Variants in B3GALT1 observed in about 807,000 individuals in gnomAD.
The protein encoded by B3GALT1 is beta-1,3-galactosyltransferase 1.
In B3GALT1, 10 loss-of-function variants were observed where a neutral mutation model predicts 23.2. The observed-to-expected ratio is 0.43, with a 90% confidence interval of 0.27 to 0.73. The LOEUF (loss-of-function observed/expected upper bound fraction) is 0.73. B3GALT1 is among the 30% of genes least tolerant of loss of function. B3GALT1 has a pLI of 0.21. For missense variants in B3GALT1, 299 were observed against 405.4 expected, an observed-to-expected ratio of 0.74 and a Z score of 2.25; for synonymous variants, 156 against 141.5, an observed-to-expected ratio of 1.10 and a Z score of -0.73.
intron 1 of B3GALT1, among the ~76,000 whole-genome samples, chr2:167,415,048 T>C (rs1208161116): frequency 1.3e-5 from 2 of 152,228 alleles, no homozygotes; most frequent in Non-Finnish European, 2.9e-5. Flanking sequence ...GAGATAGATA[T>C]GTTATACCTC....
chr2:167,685,362 G>A (rs1686601613), intron 3 of B3GALT1, among the ~76,000 whole-genome samples: 1 of 152,048 alleles, frequency 6.6e-6, no homozygotes. Flanking sequence ...TGAGGAGCTG[G>A]GATTATTGGT....
chr2:167,783,461 T>C (rs2105321902), intron 3 of B3GALT1, among the ~76,000 whole-genome samples: 1 of 152,244 alleles, frequency 6.6e-6, no homozygotes, highest in South Asian at 2.1e-4. Context: ...TCTGAGTCAC[T>C]ATGTGATGCT....
intron 3 of B3GALT1, among the ~76,000 whole-genome samples, chr2:167,761,500 C>T (rs927485723): frequency 1.3e-5 from 2 of 152,058 alleles, no homozygotes; most frequent in Admixed American, 6.5e-5. Context: ...GGTTGTTTGG[C>T]AATACTATAA....
rs948125572 is a variant in B3GALT1 at position 167,831,302 on chromosome 2, C to T, written c.-230+12509C>T. ...CAGTTAATGGAAAATCTCCTTTATACGAGGTGCATCTGCTGTGACATCTGT... is the reference window on the plus strand; with the variant it reads ...CAGTTAATGGAAAATCTCCTTTATATGAGGTGCATCTGCTGTGACATCTGT... On this transcript the variant is annotated intron_variant, in intron 4 of 4. Coordinates refer to ENST00000392690, the MANE Select transcript of B3GALT1 (RefSeq NM_020981.4). 2.5e-4 allele frequency among the ~76,000 whole-genome samples: 38 copies of T among 152,272 alleles called. 1 individual carries two copies. The highest frequency in any genetic ancestry group is 8.8e-5 in the Non-Finnish European group (6 of 68,022).
chr2:167,548,694 G>GTGTGTGTGTGTGTGTGAGAGTGTA (rs1683689895), intron 2 of B3GALT1, among the ~76,000 whole-genome samples: 1 of 151,116 alleles, frequency 6.6e-6, no homozygotes, highest in African/African-American at 2.4e-5. Flanking sequence ...GAGTGTGTGT[G>GTGTGTGTGTGTGTGTGAGAGTGTA]TGTGTGTGTG....
chr2:167,658,926 A>G (rs986776205), intron 3 of B3GALT1, among the ~76,000 whole-genome samples: 4 of 152,126 alleles, frequency 2.6e-5, no homozygotes, highest in Non-Finnish European at 4.4e-5. Context: ...ACCTAAGACT[A>G]TATGATTTTT....
At chr2:167,473,265 G>T (rs73022089) in intron 1 of B3GALT1, among the ~76,000 whole-genome samples, 6,259 of 152,070 alleles carry the variant, frequency 0.041, 425 homozygotes, top group African/African-American at 0.14. Flanking sequence ...AATCAACCTG[G>T]GAAGATATTT....
chr2:167,808,704 G>T (rs1174439872), intron 3 of B3GALT1, among the ~76,000 whole-genome samples: 2 of 151,772 alleles, frequency 1.3e-5, no homozygotes, highest in South Asian at 2.1e-4. Flanking sequence ...TTTCTCTCTG[G>T]CTGCCCTTAA....
rs375278784 is a variant in B3GALT1, at chr2:167,465,430, A to G, written c.-510-24747A>G. Reference sequence around the variant, plus strand: ...TCTGGAGGCCGGAAATGCTAGATCAAGTCTCCAGCAGATTCAGTGTCTGGG... The same window carrying G: ...TCTGGAGGCCGGAAATGCTAGATCAGGTCTCCAGCAGATTCAGTGTCTGGG... On this transcript the variant is annotated intron_variant, in intron 1 of 4. Coordinates refer to ENST00000392690, the MANE Select transcript of B3GALT1 (RefSeq NM_020981.4). Among the ~76,000 whole-genome samples, 15 of 152,328 alleles carry G rather than the reference A, an allele frequency of 9.8e-5. No individual in the cohort carries two copies. In the East Asian group the frequency reaches 2.7e-3, roughly 27 times the overall value.
chr2:167,447,881 G>A (rs1699025855), intron 1 of B3GALT1, among the ~76,000 whole-genome samples: 1 of 152,196 alleles, frequency 6.6e-6, no homozygotes, highest in East Asian at 1.9e-4. Context: ...ACAAGCCCCA[G>A]TGAGATGAAC....
intron 4 of B3GALT1, among the ~76,000 whole-genome samples, chr2:167,833,573 C>T (rs958577606): frequency 5.3e-5 from 8 of 152,118 alleles, no homozygotes; most frequent in African/African-American, 1.9e-4. Flanking sequence ...TGGGCAATAA[C>T]AGAAAAACTA....
At chr2:167,351,761 G>A (rs1011634528) in intron 1 of B3GALT1, among the ~76,000 whole-genome samples, 1 of 151,934 alleles carries the variant, frequency 6.6e-6, no homozygotes, top group African/African-American at 2.4e-5. Flanking sequence ...CTTACTTTTC[G>A]TGCCTCCCTC....
chr2:167,723,469 A>T lies in B3GALT1; in HGVS notation c.-352+76503A>T, dbSNP rs575868395. Among the ~76,000 whole-genome samples the T allele has an allele frequency of 1.4e-4, 22 of 152,276 alleles. No individual in the cohort carries two copies. In the South Asian group the frequency reaches 4.3e-3, roughly 30 times the overall value. On this transcript the variant is annotated intron_variant, in intron 3 of 4. Coordinates refer to ENST00000392690, the MANE Select transcript of B3GALT1 (RefSeq NM_020981.4). ...ATATACTTCAAAATATTAAGATTTA[A>T]TTCATTTAAATATTTTATTTGAACA...
intron 1 of B3GALT1, among the ~76,000 whole-genome samples, chr2:167,336,767 T>C (rs1327471299): frequency 6.6e-6 from 1 of 152,172 alleles, no homozygotes; most frequent in African/African-American, 2.4e-5. Flanking sequence ...TTATGGTATA[T>C]ATTGATTTTT....
intron 1 of B3GALT1, among the ~76,000 whole-genome samples, chr2:167,460,925 C>A (rs1238530914): frequency 6.6e-6 from 1 of 152,110 alleles, no homozygotes; most frequent in African/African-American, 2.4e-5. Context: ...CCTATATATG[C>A]AGTTGCTTTT....
At chr2:167,547,693 C>CAAAAAAAAA (rs71031296) in intron 2 of B3GALT1, among the ~76,000 whole-genome samples, 161 of 75,474 alleles carry the variant, frequency 2.1e-3, no homozygotes, top group African/African-American at 5.4e-3. Context: ...GACTCTGTCT[C>CAAAAAAAAA]AAAAAAAAAA....
chr2:167,661,855 C>T (rs556719581), intron 3 of B3GALT1, among the ~76,000 whole-genome samples: 5 of 152,074 alleles, frequency 3.3e-5, no homozygotes, highest in East Asian at 1.9e-4. Flanking sequence ...TTTCAGGTTC[C>T]GGACTCAATA....
chr2:167,296,822 C>G (rs1343631123), intron 1 of B3GALT1, among the ~76,000 whole-genome samples: 1 of 152,092 alleles, frequency 6.6e-6, no homozygotes, highest in Non-Finnish European at 1.5e-5. Context: ...AGTTTATATT[C>G]TATTGGGGTG....
Position 167,420,655 on chromosome 2 carries a change from C to T in B3GALT1, c.-510-69522C>T, listed in dbSNP as rs151074694. On this transcript the variant is annotated intron_variant, in intron 1 of 4. Transcript: ENST00000392690. ...TAAATTACCTCATGCCTAGCATGGCCGTGGTAAGCCATATCATCCATGAGA... is the reference window on the plus strand; with the variant it reads ...TAAATTACCTCATGCCTAGCATGGCTGTGGTAAGCCATATCATCCATGAGA... 6.6e-5 allele frequency among the ~76,000 whole-genome samples: 10 copies of T among 152,250 alleles called. No homozygotes were observed. In the East Asian group the frequency reaches 1.2e-3, roughly 18 times the overall value.
Sources: gnomAD v4.1 joint callset for allele counts (sites outside exome capture counted in the v4.1 genomes callset) on GRCh38, gnomAD v4.1.1 for gene constraint, MANE v1.5 for transcripts, NCBI Gene and HGNC (gene_info 2026-07-23, HGNC 2026-07-21) for gene names.